The following PABPC4 variants were observed in gnomAD, a reference collection of about 807,000 sequenced individuals.
PABPC4 encodes the protein poly(A) binding protein cytoplasmic 4, also known as polyadenylate-binding protein 4.
A neutral mutation model predicts 74.5 loss-of-function variants in PABPC4; 15 were observed. The observed-to-expected ratio is 0.20, with a 90% CI of 0.13 to 0.31. The LOEUF is 0.31. PABPC4 is among the 10% of genes least tolerant of loss of function. PABPC4 has a pLI of 1.00. For missense variants in PABPC4, 610 were observed against 853.5 expected (o/e 0.71, Z 3.55); for synonymous variants, 345 against 303.0 (o/e 1.14, Z -1.44).
chr1:39,575,196 C>T (rs1646006196), intron 1 of PABPC4, among the ~76,000 whole-genome samples: 1 of 152,194 alleles, frequency 6.6e-6, no homozygotes, highest in Non-Finnish European at 1.5e-5. Context: ...GCCTGGCACA[C>T]GCAGCTTTTG....
chr1:39,573,616 C>T (rs1570399653), intron 1 of PABPC4, among the ~76,000 whole-genome samples: 1 of 152,062 alleles, frequency 6.6e-6, no homozygotes, highest in African/African-American at 2.4e-5. Context: ...GTCAGGAGTT[C>T]GAGACCAGCC....
intron 5 of PABPC4, 125 bp downstream of exon 5, chr1:39,569,470 T>G: frequency 1.4e-6 from 1 of 714,436 alleles, no homozygotes; most frequent in East Asian, 2.5e-5. Flanking sequence ...TCCCAGAGTA[T>G]AGTAATGGTA....
chr1:39,564,761 G>A lies in PABPC4; in HGVS notation c.1258C>T (p.Pro420Ser). Residue 420 changes from proline (P) to serine (S), a missense_variant, in exon 9 of 16, where the codon CCT becomes TCT. Pro to Ser is a moderately conservative substitution (Grantham distance 74, BLOSUM62 -1). This residue lies in a region of PABPC4 where 277 missense variants were observed against 301.8 expected (regional missense o/e 0.92). Coordinates refer to ENST00000372858, the MANE Select transcript of PABPC4 (RefSeq NM_001135653.2). ...VPAVPQAQGRPPYYTPNQLAQ... is the reference protein window; with the variant it reads ...VPAVPQAQGRSPYYTPNQLAQ... Reference sequence around the variant, plus strand: ...AACTGGTTAGGTGTATAATATGGAGGCCTTCCCTGAGCCTGTAAGACAGAA... The same window carrying A: ...AACTGGTTAGGTGTATAATATGGAGACCTTCCCTGAGCCTGTAAGACAGAA... 6.2e-7 allele frequency: 1 copy of A among 1,613,676 alleles called. No individual in the cohort carries two copies.
rs1452588353 is a variant in PABPC4, at chr1:39,563,598, G to A, written c.1668+16C>T. The A allele has an allele frequency of 1.2e-6, 2 of 1,607,322 alleles. No individual in the cohort carries two copies. Among genetic ancestry groups the A allele is most frequent in the South Asian group, 1.1e-5 (1 of 90,324 alleles). ...TGGGGGAAATCCTTTTAAGCATTCTGTCTGGTGAACCTCACCTGCAGAGGC... is the reference window on the plus strand; with the variant it reads ...TGGGGGAAATCCTTTTAAGCATTCTATCTGGTGAACCTCACCTGCAGAGGC... On this transcript the variant is annotated intron_variant, in intron 12 of 15. Transcript: ENST00000372858.
chr1:39,574,249 G>A (rs1300396238), intron 1 of PABPC4, among the ~76,000 whole-genome samples: 5 of 152,170 alleles, frequency 3.3e-5, no homozygotes, highest in Non-Finnish European at 5.9e-5. Context: ...AGGGAAAGAG[G>A]ACTTTGCTTG....
chr1:39,564,360 C>A, intron 10 of PABPC4, 63 bp downstream of exon 10: 1 of 1,588,818 alleles, frequency 6.3e-7, no homozygotes, highest in Non-Finnish European at 8.6e-7. Flanking sequence ...CAACCCAGGA[C>A]AGAGCCTAGT....
intron 3 of PABPC4, chr1:39,570,488 G>T (rs185558505): frequency 6.4e-6 from 1 of 156,032 alleles, no homozygotes; most frequent in African/African-American, 2.4e-5. Flanking sequence ...AGTGATATCT[G>T]TAGATCAACC....
At chr1:39,570,447 T>C (rs1014851242) in intron 3 of PABPC4, 1 of 159,106 alleles carries the variant, frequency 6.3e-6, no homozygotes, top group Non-Finnish European at 1.4e-5. Context: ...AGAAAATTTA[T>C]CCATGCACTG....
At chr1:39,575,446 G>C (rs1024735302) in intron 1 of PABPC4, among the ~76,000 whole-genome samples, 3 of 152,216 alleles carry the variant, frequency 2.0e-5, no homozygotes, top group African/African-American at 7.2e-5. Flanking sequence ...CAGCCCCACT[G>C]ACAAGGACCA....
chr1:39,561,134 A>G lies in PABPC4; in HGVS notation c.*14-12T>C. 1 of 471,038 alleles carries G rather than the reference A, an allele frequency of 2.1e-6. No homozygotes were observed. Among genetic ancestry groups the G allele is most frequent in the South Asian group, 1.5e-5 (1 of 64,560 alleles). 29.2% of individuals were successfully genotyped at this position (471,038 alleles called of 1,614,324 possible). ...TTGGCTTTTGAATCCTGTAAAGAAA[A>G]GCACCAACACAAATAAATGCATAAT... On this transcript the variant is annotated splice_polypyrimidine_tract_variant and intron_variant, in intron 15 of 15. Transcript: ENST00000372858.
At position 39,564,679 on chromosome 1, in the gene PABPC4, C is replaced by G. The variant is rs368265813; in HGVS notation, c.1333+7G>C. 15 of 1,613,560 alleles carry G rather than the reference C, an allele frequency of 9.3e-6. No homozygotes were observed. The highest frequency in any genetic ancestry group is 2.7e-5 in the African/African-American group (2 of 74,904). ...TGGGCTGTCAATTACTGTTCCCCACCACCTACCTTGAGGTCTCCCACCTTG... is the reference window on the plus strand; with the variant it reads ...TGGGCTGTCAATTACTGTTCCCCACGACCTACCTTGAGGTCTCCCACCTTG... On this transcript the variant is annotated splice_region_variant and intron_variant, in intron 9 of 15. Coordinates refer to ENST00000372858, the MANE Select transcript of PABPC4 (RefSeq NM_001135653.2).
chr1:39,563,478 G>C lies in PABPC4; in HGVS notation c.1668+136C>G. 3 of 1,143,068 alleles carry C rather than the reference G, an allele frequency of 2.6e-6. No homozygotes were observed. In the South Asian group the frequency reaches 4.9e-5, roughly 19 times the overall value. The allele number at this position is 1,143,068 out of a possible 1,614,324, so 70.8% of individuals were successfully genotyped here. ...CACTAGTGAGCCCCTGAAGGGCAGG[G>C]ACAGTGAATCAGAACATAGCGTCAT... On this transcript the variant is annotated intron_variant, in intron 12 of 15. Transcript: ENST00000372858.
rs1646024152 is a variant in PABPC4, at chr1:39,576,236, A to G, written c.-285T>C. 2 of 348,322 alleles carry G rather than the reference A, an allele frequency of 5.7e-6. No individual in the cohort carries two copies. Among genetic ancestry groups the G allele is most frequent in the East Asian group, 4.3e-5 (1 of 23,162 alleles). 21.6% of individuals were successfully genotyped at this position (348,322 alleles called of 1,614,324 possible). On this transcript the variant is annotated 5_prime_UTR_variant, in exon 1 of 16. Coordinates refer to ENST00000372858, the MANE Select transcript of PABPC4 (RefSeq NM_001135653.2). ...TCCTGGTGCGAAGCTCCAAATTTCA[A>G]AAAATCAAAGTAGGAAAAAAATTAA...
At position 39,565,167 on chromosome 1, in the gene PABPC4, T is replaced by C. The variant is rs773711992; in HGVS notation, c.1184A>G (p.Asn395Ser). ...RVAGMRALPA[N>S]AILNQFQPAA... ...AGGCTGGAACTGATTTAAGATGGCATTGGCAGGAAGTGCTCTCATTCCAGC... is the reference window on the plus strand; with the variant it reads ...AGGCTGGAACTGATTTAAGATGGCACTGGCAGGAAGTGCTCTCATTCCAGC... Residue 395 changes from asparagine (N) to serine (S), a missense_variant, in exon 8 of 16, where the codon AAT becomes AGT. Coordinates refer to ENST00000372858, the MANE Select transcript of PABPC4 (RefSeq NM_001135653.2). The C allele has an allele frequency of 2.5e-6, 4 of 1,614,038 alleles. No homozygotes were observed. The highest frequency in any genetic ancestry group is 1.3e-5 in the African/African-American group (1 of 74,922).
intron 13 of PABPC4, 47 bp from the exon 14 acceptor site, chr1:39,562,250 C>T: frequency 6.2e-7 from 1 of 1,612,884 alleles, no homozygotes; most frequent in Non-Finnish European, 8.5e-7. Context: ...TCCCAGTAAA[C>T]AATGGACACT....
intron 5 of PABPC4, 26 bp from the exon 6 acceptor site, chr1:39,568,965 A>G (rs1645894255): frequency 1.9e-6 from 3 of 1,598,220 alleles, no homozygotes; most frequent in East Asian, 2.2e-5. Context: ...ATGTCTTTAA[A>G]ATAAAGTTGC....
chr1:39,568,854 T>G lies in PABPC4; in HGVS notation c.824A>C (p.Glu275Ala). 6.2e-7 allele frequency: 1 copy of G among 1,614,154 alleles called. No individual in the cohort carries two copies. The highest frequency in any genetic ancestry group is 1.3e-5 in the African/African-American group (1 of 75,064). Residue 275 changes from glutamate to alanine, a missense_variant, in exon 6 of 16, where the codon GAG (glutamate) becomes GCG (alanine). This residue lies in a region of PABPC4 where 304 missense variants were observed against 478.9 expected (regional missense o/e 0.63). Transcript: ENST00000372858. ...CAACTGTTCAAATTTCCGTTTTAAC[T>G]CTGCCTGCCGTTCTACTTTCTTTTG... is the stretch of plus-strand genomic sequence containing the variant. ...RAQKKVERQA[E>A]LKRKFEQLKQ...
intron 10 of PABPC4, 140 bp from the exon 11 acceptor site, chr1:39,564,062 G>A (rs1645800186): frequency 4.3e-6 from 3 of 701,730 alleles, no homozygotes; most frequent in African/African-American, 1.8e-5. Flanking sequence ...ATGAGCCAAA[G>A]GATAACATAC....
At position 39,575,803 on chromosome 1, in the gene PABPC4, C is replaced by A. The variant is rs1414028714; in HGVS notation, c.149G>T (p.Arg50Leu). ...IRVCRDMITR[R>L]SLGYAYVNFQ... ...GTTGACGTAGGCATAGCCCAGGGAG[C>A]GGCGGGTGATCATATCGCGGCAGAC... The change falls in exon 1 of 16, where the codon CGC (arginine) becomes CTC (leucine). Residue 50 changes from arginine (R) to leucine (L), a missense_variant. By Grantham distance (102) the Arg-to-Leu change is moderately radical. This residue lies in a region of PABPC4 where 304 missense variants were observed against 478.9 expected (regional missense o/e 0.63). Transcript: ENST00000372858. The A allele has an allele frequency of 1.2e-6, 2 of 1,606,498 alleles. No individual in the cohort carries two copies. The highest frequency in any genetic ancestry group is 4.5e-5 in the East Asian group (2 of 44,264).
Sources: gnomAD v4.1 joint callset for allele counts (sites outside exome capture counted in the v4.1 genomes callset) on GRCh38, gnomAD v4.1.1 for gene constraint, gnomAD v4.1.1 regional missense constraint, MANE v1.5 for transcripts, NCBI Gene and HGNC (gene_info 2026-07-23, HGNC 2026-07-21) for gene names.